Variants in D2HGDH observed in about 807,000 individuals in gnomAD.
The protein encoded by D2HGDH is D-2-hydroxyglutarate dehydrogenase, mitochondrial.
D2HGDH carries 31 observed loss-of-function variants against 46.9 expected under a neutral mutation model. That is an observed-to-expected ratio of 0.66 (90% CI 0.50 to 0.89). The LOEUF (loss-of-function observed/expected upper bound fraction) is 0.89, where lower values mean the gene tolerates loss of function less well. Among genes scored for constraint, D2HGDH ranks in the 40% least tolerant of loss-of-function variants. The pLI is 0.00. For synonymous variants in D2HGDH, 364 were observed against 332.6 expected (o/e 1.09, Z -1.03); for missense variants, 698 against 720.8 (o/e 0.97, Z 0.36).
At chr2:241,755,327 GCC>G (rs1238685061) in intron 8 of D2HGDH, 1 of 1,303,640 alleles carries the variant, frequency 7.7e-7, no homozygotes, top group Admixed American at 2.3e-5. Flanking sequence ...AGCTGCCTGG[GCC>G]CTGCTGTTGT....
intron 9 of D2HGDH, 127 bp downstream of exon 9, chr2:241,756,141 G>A: frequency 7.5e-7 from 1 of 1,328,682 alleles, no homozygotes; most frequent in Middle Eastern, 2.7e-4. Context: ...ATCTCCCGTA[G>A]ACACTGGCAG....
At chr2:241,762,696 G>A (rs983624131) in intron 9 of D2HGDH, among the ~76,000 whole-genome samples, 5 of 152,168 alleles carry the variant, frequency 3.3e-5, no homozygotes, top group Admixed American at 2.0e-4. Context: ...CCAGCTTGGC[G>A]TTCTCTGCCG....
At chr2:241,763,771 T>A (rs958410984) in intron 9 of D2HGDH, among the ~76,000 whole-genome samples, 4 of 152,156 alleles carry the variant, frequency 2.6e-5, no homozygotes, top group African/African-American at 7.2e-5. Context: ...GGCTCACACC[T>A]GTAATCTCAG....
At position 241,742,745 on chromosome 2, in the gene D2HGDH, C is replaced by T. The variant is rs1358152554; in HGVS notation, c.490+171C>T. Among the ~76,000 whole-genome samples, 1 of 152,224 alleles carries T rather than the reference C, an allele frequency of 6.6e-6. No homozygotes were observed. Among genetic ancestry groups the T allele is most frequent in the Non-Finnish European group, 1.5e-5 (1 of 68,022 alleles). On this transcript the variant is annotated intron_variant, in intron 4 of 9. Coordinates refer to ENST00000321264, the MANE Select transcript of D2HGDH (RefSeq NM_152783.5). The surrounding 1 kb of genome is among the most constrained non-coding windows in gnomAD (Gnocchi z 4.8). ...GCCGCCTAGCCCCACCTCGCCCGGC[C>T]CCTCCAGACATGCGTGCTGGTGAGG... is the stretch of plus-strand genomic sequence containing the variant.
At chr2:241,764,125 C>T (rs190807322) in intron 9 of D2HGDH, among the ~76,000 whole-genome samples, 133 of 147,414 alleles carry the variant, frequency 9.0e-4, no homozygotes, top group African/African-American at 3.3e-3. Flanking sequence ...GGCAAGTCCC[C>T]GGGCAGGGGA....
chr2:241,764,104 A>G (rs1195188086), intron 9 of D2HGDH, among the ~76,000 whole-genome samples: 1 of 151,846 alleles, frequency 6.6e-6, no homozygotes, highest in Non-Finnish European at 1.5e-5. Context: ...TTTCACAACC[A>G]GTCCTTCCTG....
chr2:241,762,106 C>G (rs1329667358), intron 9 of D2HGDH, among the ~76,000 whole-genome samples: 1 of 133,070 alleles, frequency 7.5e-6, no homozygotes, highest in Admixed American at 8.6e-5. Context: ...GAGTCCCGCT[C>G]TGTCACCCAG....
chr2:241,740,870 G>C (rs567055338), intron 2 of D2HGDH, among the ~76,000 whole-genome samples, 163 bp from the exon 3 acceptor site: 64 of 152,288 alleles, frequency 4.2e-4, no homozygotes, highest in African/African-American at 1.4e-3. Flanking sequence ...GCTTGAACCT[G>C]GGAGGGAGAG....
intron 9 of D2HGDH, 144 bp from the exon 10 acceptor site, chr2:241,767,566 T>G: frequency 8.3e-7 from 1 of 1,197,664 alleles, no homozygotes; most frequent in Non-Finnish European, 1.2e-6. Context: ...GGTCGGCACG[T>G]CCAGGGCGAG....
rs984265358 is a variant in D2HGDH, at chr2:241,762,135, G to A, written c.1307-5575G>A. ...CACCCAGGCTGGAGTGCAGTGGTGCGATCTTGGCTCACTGCAACGTCCGCC... is the reference window on the plus strand; with the variant it reads ...CACCCAGGCTGGAGTGCAGTGGTGCAATCTTGGCTCACTGCAACGTCCGCC... On this transcript the variant is annotated intron_variant, in intron 9 of 9. Coordinates refer to ENST00000321264, the MANE Select transcript of D2HGDH (RefSeq NM_152783.5). Among the ~76,000 whole-genome samples, 13 of 142,892 alleles carry A rather than the reference G, an allele frequency of 9.1e-5. No homozygotes were observed. In the South Asian group the frequency reaches 1.3e-3, roughly 14 times the overall value. 93.7% of individuals were successfully genotyped at this position (142,892 alleles called of 152,430 possible). A position where few individuals can be genotyped will look rare whatever the true frequency, so the allele number is the denominator to read the frequency against.
chr2:241,753,731 T>C (rs1238772204), intron 8 of D2HGDH, among the ~76,000 whole-genome samples: 1 of 152,228 alleles, frequency 6.6e-6, no homozygotes, highest in Non-Finnish European at 1.5e-5. Context: ...GCGGGTCTCA[T>C]TGGCACTGCC....
intron 7 of D2HGDH, 99 bp downstream of exon 7, chr2:241,750,393 C>T: frequency 4.1e-6 from 2 of 489,036 alleles, no homozygotes; most frequent in South Asian, 3.6e-5. Flanking sequence ...CGGGGGGTGC[C>T]CGGGCGGGCG....
In D2HGDH at chr2:241,744,792, C is replaced by A; in HGVS notation, c.768C>A (p.Ile256=). ...NTGYDLKQLF[I]GSEGTLGIIT... ...GCTATGACCTGAAGCAGCTGTTCAT[C>A]GGGTCGGAGGGCACTTTGGGGATCA... is the stretch of plus-strand genomic sequence containing the variant. The change falls in exon 6 of 10, where the codon ATC becomes ATA. Residue 256 remains isoleucine (I), a synonymous_variant. Transcript: ENST00000321264. 6.2e-7 allele frequency: 1 copy of A among 1,614,200 alleles called. No homozygotes were observed. Among genetic ancestry groups the A allele is most frequent in the Non-Finnish European group, 8.5e-7 (1 of 1,180,028 alleles).
intron 9 of D2HGDH, among the ~76,000 whole-genome samples, chr2:241,763,546 T>G (rs1258780666): frequency 6.6e-6 from 1 of 152,162 alleles, no homozygotes; most frequent in Non-Finnish European, 1.5e-5. Flanking sequence ...CGTACTCTAC[T>G]CTAGACTTTA....
intron 7 of D2HGDH, 104 bp downstream of exon 7, chr2:241,750,398 CGGG>C: frequency 5.8e-6 from 1 of 171,720 alleles, no homozygotes; most frequent in Non-Finnish European, 9.9e-6. Context: ...GGTGCCCGGG[CGGG>C]CGGGTGGGGG....
chr2:241,737,796 G>A (rs1352560649), intron 2 of D2HGDH, among the ~76,000 whole-genome samples: 1 of 152,210 alleles, frequency 6.6e-6, no homozygotes, highest in East Asian at 1.9e-4. Flanking sequence ...CGAGGTAGAA[G>A]AGAATTGGTT....
Position 241,750,388 on chromosome 2 carries a change from G to C in D2HGDH, c.997+94G>C, listed in dbSNP as rs548980299. 14 of 1,444,470 alleles carry C rather than the reference G, an allele frequency of 9.7e-6. No homozygotes were observed. The East Asian group carries it at 3.2e-4, about 33-fold the overall frequency. 89.5% of individuals were successfully genotyped at this position (1,444,470 alleles called of 1,614,324 possible). On this transcript the variant is annotated intron_variant, in intron 7 of 9. Transcript: ENST00000321264. ...GCTCAGAGACCCCGGGTGGGCGGGG[G>C]GTGCCCGGGCGGGCGGGTGGGGGGT...
Position 241,768,126 on chromosome 2 carries a change from A to G in D2HGDH, c.*157A>G, listed in dbSNP as rs1179331040. 4.3e-6 allele frequency: 5 copies of G among 1,165,586 alleles called. No individual in the cohort carries two copies. Among genetic ancestry groups the G allele is most frequent in the Non-Finnish European group, 4.7e-6 (4 of 853,456 alleles). 72.2% of individuals were successfully genotyped at this position (1,165,586 alleles called of 1,614,324 possible). ...CCCGCACTGGGGAACTGCCGGACGCAGGCCCTCGGGCAGGAGCATCTGGCA... is the reference window on the plus strand; with the variant it reads ...CCCGCACTGGGGAACTGCCGGACGCGGGCCCTCGGGCAGGAGCATCTGGCA... On this transcript the variant is annotated 3_prime_UTR_variant, in exon 10 of 10. Transcript: ENST00000321264.
At chr2:241,746,005 A>G (rs1695774945) in intron 6 of D2HGDH, among the ~76,000 whole-genome samples, 2 of 151,928 alleles carry the variant, frequency 1.3e-5, no homozygotes, top group African/African-American at 4.8e-5. Context: ...TGATCTTCTA[A>G]AGTTTTCAGT....
Sources: gnomAD v4.1 joint callset for allele counts (sites outside exome capture counted in the v4.1 genomes callset) on GRCh38, gnomAD v4.1.1 for gene constraint, Gnocchi (gnomAD v3.1) non-coding constraint, MANE v1.5 for transcripts, NCBI Gene and HGNC (gene_info 2026-07-23, HGNC 2026-07-21) for gene names.